ABHD6: variants seen among roughly 807,000 people sequenced by gnomAD.
ABHD6 encodes the protein abhydrolase domain containing 6, acylglycerol lipase.
In ABHD6, 33 loss-of-function variants were observed where a neutral mutation model predicts 38.8. That is an observed-to-expected ratio of 0.85 (90% CI 0.64 to 1.14). The LOEUF (loss-of-function observed/expected upper bound fraction) is 1.14, where lower values mean the gene tolerates loss of function less well. Among genes scored for constraint, ABHD6 ranks in the 50% most tolerant of loss-of-function variants. ABHD6 has a pLI of 0.00. For synonymous variants in ABHD6, 147 were observed against 161.6 expected (o/e 0.91, Z 0.69); for missense variants, 380 against 422.6 (o/e 0.90, Z 0.88).
At chr3:58,289,307 C>A (rs997124929) in intron 9 of ABHD6, among the ~76,000 whole-genome samples, 14 of 151,302 alleles carry the variant, frequency 9.3e-5, no homozygotes, top group Non-Finnish European at 1.6e-4. Flanking sequence ...GGTCATAGGA[C>A]AATAGTGGAG....
Position 58,267,121 on chromosome 3 carries a change from G to T in ABHD6, c.120-68G>T. The T allele has an allele frequency of 1.3e-6, 2 of 1,531,598 alleles. No individual in the cohort carries two copies. The highest frequency in any genetic ancestry group is 1.2e-5 in the South Asian group (1 of 84,744). The allele number at this position is 1,531,598 out of a possible 1,614,324, so 94.9% of individuals were successfully genotyped here. On this transcript the variant is annotated intron_variant, in intron 3 of 9. Transcript: ENST00000478253. The surrounding 1 kb of genome is among the most constrained non-coding windows in gnomAD (Gnocchi z 4.3). ...AGGAAGACTTATAGAGAGGACCTGT[G>T]CCCATCTTGAAGCCACTCATCTAGA... is the stretch of plus-strand genomic sequence containing the variant.
intron 9 of ABHD6, among the ~76,000 whole-genome samples, chr3:58,288,694 A>G (rs1415006941): frequency 6.6e-6 from 1 of 152,200 alleles, no homozygotes; most frequent in Non-Finnish European, 1.5e-5. Flanking sequence ...TTAGGCCCTG[A>G]GGATACAGTA....
chr3:58,266,778 G>A lies in ABHD6; in HGVS notation c.120-411G>A, dbSNP rs1650722625. On this transcript the variant is annotated intron_variant, in intron 3 of 9. Coordinates refer to ENST00000478253, the MANE Select transcript of ABHD6 (RefSeq NM_001320126.2). The surrounding 1 kb of genome is among the most constrained non-coding windows in gnomAD (Gnocchi z 4.0). ...ACTGCCAAGTCTTATGTAACCAGCA[G>A]AAGCTGAGCTTTCAACCAGCTGCCA... Among the ~76,000 whole-genome samples, 5 of 152,180 alleles carry A rather than the reference G, an allele frequency of 3.3e-5. No homozygotes were observed. Among genetic ancestry groups the A allele is most frequent in the Admixed American group, 2.0e-4 (3 of 15,274 alleles).
At chr3:58,279,383 G>A (rs1332730859) in intron 7 of ABHD6, among the ~76,000 whole-genome samples, 5 of 151,954 alleles carry the variant, frequency 3.3e-5, no homozygotes, top group Non-Finnish European at 2.9e-5. Flanking sequence ...GATCTTTGTT[G>A]GTTTAAAGTC....
intron 1 of ABHD6, among the ~76,000 whole-genome samples, chr3:58,243,184 G>C (rs2097424063): frequency 6.6e-6 from 1 of 152,170 alleles, no homozygotes; most frequent in Admixed American, 6.5e-5. Context: ...ATAAACATAT[G>C]TGTTCATGTG....
At chr3:58,247,569 T>C (rs998025986) in intron 1 of ABHD6, among the ~76,000 whole-genome samples, 4 of 152,088 alleles carry the variant, frequency 2.6e-5, no homozygotes, top group Non-Finnish European at 4.4e-5. Context: ...TTATTTTTTG[T>C]TTTTTTGTTT....
rs369068783 is a variant in ABHD6 at position 58,250,798 on chromosome 3, AAGT to A, written c.-26+857_-26+859del. Reference sequence around the variant, plus strand: ...TCCACATGTAGCTGTTGAGCACTTGAAGTGTGGCTGGTGTGGCTGAAGAACTGA... The same window carrying A: ...TCCACATGTAGCTGTTGAGCACTTGAGTGGCTGGTGTGGCTGAAGAACTGA... On this transcript the variant is annotated intron_variant, in intron 2 of 9. Transcript: ENST00000478253. Among the ~76,000 whole-genome samples the A allele has an allele frequency of 2.7e-4, 41 of 152,272 alleles. No individual in the cohort carries two copies. The South Asian group carries it at 3.5e-3, about 13-fold the overall frequency.
chr3:58,256,617 AT>A lies in ABHD6; in HGVS notation c.33del (p.Ile11MetfsTer24). 1 of 1,614,108 alleles carries A rather than the reference AT, an allele frequency of 6.2e-7. No individual in the cohort carries two copies. The highest frequency in any genetic ancestry group is 8.5e-7 in the Non-Finnish European group (1 of 1,180,020). MDLDVVNMFVIAGGTLAIPIL... is the reference protein window; with the variant it reads MDLDVVNMFVXAGGTLAIPIL... ...TCTTGATGTGGTTAACATGTTTGTGATTGCGGGCGGCACGCTGGCCATCCCA... is the reference window on the plus strand; with the variant it reads ...TCTTGATGTGGTTAACATGTTTGTGATGCGGGCGGCACGCTGGCCATCCCA... On this transcript the variant is annotated frameshift_variant, in exon 3 of 10. Coordinates refer to ENST00000478253, the MANE Select transcript of ABHD6 (RefSeq NM_001320126.2). LOFTEE classifies it high-confidence loss of function. The surrounding 1 kb of genome is among the most constrained non-coding windows in gnomAD (Gnocchi z 4.3).
chr3:58,262,587 C>T (rs1002683543), intron 3 of ABHD6, among the ~76,000 whole-genome samples: 1 of 152,188 alleles, frequency 6.6e-6, no homozygotes, highest in South Asian at 2.1e-4. Flanking sequence ...CACCTTAATT[C>T]TTCTCTTTGT....
At chr3:58,282,947 T>C (rs553207692) in intron 7 of ABHD6, among the ~76,000 whole-genome samples, 4 of 152,300 alleles carry the variant, frequency 2.6e-5, no homozygotes, top group Middle Eastern at 3.4e-3. Context: ...TTGAAGGTTA[T>C]GGGACTGAAT....
intron 9 of ABHD6, among the ~76,000 whole-genome samples, chr3:58,289,232 T>TA (rs1190691315): frequency 6.6e-6 from 1 of 151,108 alleles, no homozygotes; most frequent in South Asian, 2.1e-4. Flanking sequence ...TTTTTTATTT[T>TA]TTTTATTTTT....
rs549333803 is a variant in ABHD6 at position 58,266,591 on chromosome 3, G to A, written c.120-598G>A. ...TAAGACCAGTCAGTTTAGGTTATTT[G>A]CTTTTGCAAGACTTGGCTACTTCTT... On this transcript the variant is annotated intron_variant, in intron 3 of 9. Transcript: ENST00000478253. The surrounding 1 kb of genome is among the most constrained non-coding windows in gnomAD (Gnocchi z 4.0). 4.7e-4 allele frequency among the ~76,000 whole-genome samples: 71 copies of A among 152,276 alleles called. No homozygotes were observed. The highest frequency in any genetic ancestry group is 6.6e-4 in the Non-Finnish European group (45 of 68,014).
intron 1 of ABHD6, among the ~76,000 whole-genome samples, chr3:58,245,842 CAAAA>C (rs1288379281): frequency 1.0e-3 from 119 of 114,686 alleles, no homozygotes; most frequent in African/African-American, 4.0e-3. Context: ...AAAGAAAGAA[CAAAA>C]AAAGAAAGGC....
Position 58,270,995 on chromosome 3 carries a change from C to G in ABHD6, c.454C>G (p.Gln152Glu). The G allele has an allele frequency of 6.2e-7, 1 of 1,612,980 alleles. No individual in the cohort carries two copies. Among genetic ancestry groups the G allele is most frequent in the Non-Finnish European group, 8.5e-7 (1 of 1,179,694 alleles). The change falls in exon 6 of 10, where the codon CAG becomes GAG. Residue 152 changes from glutamine (Q) to glutamate (E), a missense_variant. Gln to Glu is a conservative substitution (Grantham distance 29, BLOSUM62 2). Transcript: ENST00000478253. ...FHLVGTSMGG[Q>E]VAGVYAAYYP... The stretch of plus-strand genomic sequence containing the variant: ...CCTGGTAGGCACCTCCATGGGTGGC[C>G]AGGTGGCTGGGGTGTATGCTGCTTA...
intron 7 of ABHD6, among the ~76,000 whole-genome samples, chr3:58,278,209 C>T (rs1488354213): frequency 6.6e-6 from 1 of 152,140 alleles, no homozygotes; most frequent in Non-Finnish European, 1.5e-5. Context: ...TGGTAGAATT[C>T]GCCTGTAAAT....
intron 1 of ABHD6, among the ~76,000 whole-genome samples, 173 bp from the exon 2 acceptor site, chr3:58,249,705 G>A (rs1208005971): frequency 1.3e-5 from 2 of 152,208 alleles, no homozygotes; most frequent in African/African-American, 4.8e-5. Context: ...ACTGGGGGAG[G>A]TGACCTGAAC....
intron 7 of ABHD6, among the ~76,000 whole-genome samples, chr3:58,283,869 T>A (rs1195010003): frequency 6.6e-6 from 1 of 152,204 alleles, no homozygotes; most frequent in Non-Finnish European, 1.5e-5. Context: ...AAATCTCTGA[T>A]GCTGAGCACA....
Position 58,274,676 on chromosome 3 carries a change from ACAAT to A in ABHD6, c.547_550del (p.Gln183LeufsTer19). 3 of 1,614,216 alleles carry A rather than the reference ACAAT, an allele frequency of 1.9e-6. No individual in the cohort carries two copies. Among genetic ancestry groups the A allele is most frequent in the Non-Finnish European group, 2.5e-6 (3 of 1,180,022 alleles). Reference sequence around the variant, plus strand: ...CCCACAGGCCTGCAGTACTCAACTGACAATCAATTTGTACAACGGCTCAAAGAAC... The same window carrying A: ...CCCACAGGCCTGCAGTACTCAACTGACAATTTGTACAACGGCTCAAAGAAC... On this transcript the variant is annotated frameshift_variant, in exon 7 of 10. Transcript: ENST00000478253. LOFTEE classifies it high-confidence loss of function.
intron 7 of ABHD6, among the ~76,000 whole-genome samples, chr3:58,278,878 C>A (rs1025329281): frequency 1.9e-4 from 29 of 152,306 alleles, no homozygotes; most frequent in African/African-American, 7.0e-4. Flanking sequence ...CATTAAGGAA[C>A]AGGTTGTTCA....
Sources: gnomAD v4.1 joint callset for allele counts (sites outside exome capture counted in the v4.1 genomes callset) on GRCh38, gnomAD v4.1.1 for gene constraint, Gnocchi (gnomAD v3.1) non-coding constraint, MANE v1.5 for transcripts, NCBI Gene and HGNC (gene_info 2026-07-23, HGNC 2026-07-21) for gene names.